Variants in NCKAP5 observed in about 807,000 individuals in gnomAD.
NCKAP5 encodes nck-associated protein 5.
NCKAP5 carries 92 observed loss-of-function variants against 167.0 expected under a neutral mutation model. That is an observed-to-expected ratio of 0.55 (90% CI 0.47 to 0.66). The LOEUF (loss-of-function observed/expected upper bound fraction) is 0.66, where lower values mean the gene tolerates loss of function less well. Among genes scored for constraint, NCKAP5 ranks in the 30% least tolerant of loss-of-function variants. The pLI is 0.00. For missense variants in NCKAP5, 2,378 were observed against 2,315.0 expected (o/e 1.03, Z -0.56); for synonymous variants, 891 against 877.4 (o/e 1.02, Z -0.27).
At chr2:133,317,030 T>C (rs1027726034) in intron 3 of NCKAP5, among the ~76,000 whole-genome samples, 4 of 152,158 alleles carry the variant, frequency 2.6e-5, no homozygotes, top group Non-Finnish European at 4.4e-5. Flanking sequence ...AAGGAGACCA[T>C]AGGCATTTAT....
chr2:133,421,536 T>TGCCTCA (rs1257767156), intron 3 of NCKAP5, among the ~76,000 whole-genome samples: 4 of 152,122 alleles, frequency 2.6e-5, no homozygotes, highest in Non-Finnish European at 4.4e-5. Context: ...TTGCCTTAAA[T>TGCCTCA]GAGGATCAGT....
rs541212343 is a variant in NCKAP5 at position 133,356,813 on chromosome 2, CAA to C, written c.70-53705_70-53704del. ...CTTCTTAATTAGAATTTAGGGCTAA[CAA>C]GAGATATTATAACATCAATACTTGC... On this transcript the variant is annotated intron_variant, in intron 3 of 19. Transcript: ENST00000409261. 5.7e-3 allele frequency among the ~76,000 whole-genome samples: 867 copies of C among 152,246 alleles called. 8 individuals are homozygous for C. Among genetic ancestry groups the C allele is most frequent in the Non-Finnish European group, 7.2e-3 (492 of 68,020 alleles).
chr2:132,871,280 A>C (rs1457769447), intron 9 of NCKAP5, among the ~76,000 whole-genome samples: 1 of 152,112 alleles, frequency 6.6e-6, no homozygotes, highest in Non-Finnish European at 1.5e-5. Context: ...ATTCAAAGTC[A>C]AACTACATAT....
At position 133,387,130 on chromosome 2, in the gene NCKAP5, C is replaced by A. The variant is rs183659603; in HGVS notation, c.70-84020G>T. ...TTTTGCTCGTTAGTTGATGCGGTTT[C>A]CTCCTAAACTTGATGGTCTTTACAA... On this transcript the variant is annotated intron_variant, in intron 3 of 19. Coordinates refer to ENST00000409261, the MANE Select transcript of NCKAP5 (RefSeq NM_207363.3). Among the ~76,000 whole-genome samples the A allele has an allele frequency of 4.6e-5, 7 of 152,308 alleles. No individual in the cohort carries two copies. The East Asian group carries it at 1.3e-3, about 29-fold the overall frequency.
intron 5 of NCKAP5, among the ~76,000 whole-genome samples, chr2:133,192,882 C>A (rs1287685957): frequency 6.6e-6 from 1 of 152,052 alleles, no homozygotes; most frequent in Non-Finnish European, 1.5e-5. Flanking sequence ...TAGCACACTG[C>A]AATCCCTGGG....
intron 3 of NCKAP5, among the ~76,000 whole-genome samples, chr2:133,337,469 A>G (rs1168544207): frequency 2.0e-5 from 3 of 152,236 alleles, no homozygotes; most frequent in African/African-American, 7.2e-5. Context: ...TATGGGGTAA[A>G]GTTCATACAT....
intron 3 of NCKAP5, among the ~76,000 whole-genome samples, chr2:133,478,730 T>C (rs1212693945): frequency 6.6e-6 from 1 of 152,028 alleles, no homozygotes; most frequent in Non-Finnish European, 1.5e-5. Flanking sequence ...TTCAAATGTT[T>C]CATCTCTTTT....
chr2:132,781,433 T>C (rs1257167732), intron 14 of NCKAP5, among the ~76,000 whole-genome samples: 2 of 152,240 alleles, frequency 1.3e-5, no homozygotes, highest in African/African-American at 2.4e-5. Context: ...AATATCATAA[T>C]GTATTTTTTA....
chr2:133,319,148 T>TCCCCCCCCCCCCCCCCTC (rs373462959), intron 3 of NCKAP5, among the ~76,000 whole-genome samples: 3 of 84,604 alleles, frequency 3.5e-5, no homozygotes, highest in African/African-American at 1.1e-4. Context: ...GAGCCACCCC[T>TCCCCCCCCCCCCCCCCTC]CCCCCCCCGC....
intron 8 of NCKAP5, among the ~76,000 whole-genome samples, chr2:132,916,971 G>A (rs1301000825): frequency 6.6e-6 from 1 of 152,210 alleles, no homozygotes; most frequent in African/African-American, 2.4e-5. Flanking sequence ...GTGCCAGAGT[G>A]GAGTAGACCC....
At chr2:133,409,188 C>A (rs1304588126) in intron 3 of NCKAP5, among the ~76,000 whole-genome samples, 2 of 152,174 alleles carry the variant, frequency 1.3e-5, no homozygotes, top group African/African-American at 4.8e-5. Flanking sequence ...AATCCTCAGA[C>A]CAGATTTCCC....
At chr2:132,697,181 C>CT (rs1034000580) in intron 19 of NCKAP5, among the ~76,000 whole-genome samples, 33 of 151,984 alleles carry the variant, frequency 2.2e-4, no homozygotes, top group Admixed American at 7.2e-4. Context: ...GGCACTGCGC[C>CT]GGCCGACATC....
chr2:133,630,061 T>C, the NCKAP5 span, among the ~76,000 whole-genome samples: 1 of 152,094 alleles, frequency 6.6e-6, no homozygotes, highest in African/African-American at 2.4e-5. Flanking sequence ...GATGGGTTGA[T>C]AGGTGCAGCA....
At chr2:133,033,161 G>A (rs574440048) in intron 6 of NCKAP5, among the ~76,000 whole-genome samples, 1 of 152,236 alleles carries the variant, frequency 6.6e-6, no homozygotes, top group Non-Finnish European at 1.5e-5. Flanking sequence ...TCAGAATAGA[G>A]AGAGATACTT....
At chr2:133,649,180 G>A in the NCKAP5 span, among the ~76,000 whole-genome samples, 12 of 149,060 alleles carry the variant, frequency 8.1e-5, no homozygotes, top group East Asian at 1.9e-4. Flanking sequence ...CTATCAAGAC[G>A]AAATTATGAA....
chr2:133,345,257 A>G (rs1574757293), intron 3 of NCKAP5, among the ~76,000 whole-genome samples: 1 of 151,730 alleles, frequency 6.6e-6, no homozygotes, highest in African/African-American at 2.4e-5. Flanking sequence ...CTGCTGTGCA[A>G]CCCTCCAAGT....
chr2:133,148,271 T>C (rs1258350091), intron 5 of NCKAP5, among the ~76,000 whole-genome samples: 2 of 152,114 alleles, frequency 1.3e-5, no homozygotes, highest in African/African-American at 4.8e-5. Flanking sequence ...GGCTGATAAC[T>C]GATCTGAAAG....
chr2:133,265,836 C>G (rs1192706260), intron 4 of NCKAP5, among the ~76,000 whole-genome samples: 1 of 152,136 alleles, frequency 6.6e-6, no homozygotes, highest in Non-Finnish European at 1.5e-5. Flanking sequence ...CCCAGTGGCA[C>G]AGCTATGCCC....
At chr2:132,698,836 A>AAAAC (rs564965955) in intron 19 of NCKAP5, among the ~76,000 whole-genome samples, 40 of 152,032 alleles carry the variant, frequency 2.6e-4, no homozygotes, top group Non-Finnish European at 5.0e-4. Flanking sequence ...TCTGTCTCAA[A>AAAAC]AAACAAACAA....
Sources: gnomAD v4.1 joint callset for allele counts (sites outside exome capture counted in the v4.1 genomes callset) on GRCh38, gnomAD v4.1.1 for gene constraint, MANE v1.5 for transcripts, NCBI Gene and HGNC (gene_info 2026-07-23, HGNC 2026-07-21) for gene names.